MDGA2: variants seen among roughly 807,000 people sequenced by gnomAD.
MDGA2 encodes MAM domain-containing glycosylphosphatidylinositol anchor protein 2.
MDGA2 carries 40 observed loss-of-function variants against 117.8 expected under a neutral mutation model. That is an observed-to-expected ratio of 0.34 (90% CI 0.26 to 0.44). The LOEUF (loss-of-function observed/expected upper bound fraction) is 0.44. Ranked by LOEUF, MDGA2 falls within the 20% of genes least tolerant of loss-of-function variation. MDGA2 has a pLI of 1.00. For synonymous variants in MDGA2, 452 were observed against 439.0 expected, an observed-to-expected ratio of 1.03 and a Z score of -0.37; for missense variants, 1,123 against 1,250.6, an observed-to-expected ratio of 0.90 and a Z score of 1.54.
At chr14:47,260,596 G>A (rs1332819647) in intron 2 of MDGA2, among the ~76,000 whole-genome samples, 1 of 152,150 alleles carries the variant, frequency 6.6e-6, no homozygotes, top group East Asian at 1.9e-4. Flanking sequence ...ATAAGTAAAG[G>A]AGAAAAACTG....
At chr14:46,893,974 C>T (rs892421120) in intron 10 of MDGA2, among the ~76,000 whole-genome samples, 1 of 151,956 alleles carries the variant, frequency 6.6e-6, no homozygotes, top group Non-Finnish European at 1.5e-5. Flanking sequence ...CCTTTAATGG[C>T]ACATTTGATT....
chr14:47,572,917 A>T lies in MDGA2; in HGVS notation c.280+101600T>A, dbSNP rs1594924416. ...ACCCGACTTTGATTAGAATTTTAATATAAATGCTCTTTATTTTTTGGTTAT... is the reference window on the plus strand; with the variant it reads ...ACCCGACTTTGATTAGAATTTTAATTTAAATGCTCTTTATTTTTTGGTTAT... On this transcript the variant is annotated intron_variant, in intron 1 of 16. Transcript: ENST00000399232. 2.6e-5 allele frequency among the ~76,000 whole-genome samples: 4 copies of T among 152,324 alleles called. No individual in the cohort carries two copies. In the South Asian group the frequency reaches 8.3e-4, roughly 32 times the overall value.
intron 1 of MDGA2, among the ~76,000 whole-genome samples, chr14:47,401,615 G>C (rs958622889): frequency 6.6e-6 from 1 of 152,158 alleles, no homozygotes; most frequent in Non-Finnish European, 1.5e-5. Context: ...TGATCTGTTT[G>C]GTACTAAGCT....
intron 14 of MDGA2, among the ~76,000 whole-genome samples, chr14:46,857,051 T>G (rs1015750748): frequency 3.3e-5 from 5 of 152,224 alleles, no homozygotes; most frequent in African/African-American, 1.2e-4. Context: ...TATAATTCAT[T>G]TATCTGCCCC....
intron 3 of MDGA2, among the ~76,000 whole-genome samples, chr14:47,167,220 T>A (rs924125922): frequency 1.3e-5 from 2 of 152,166 alleles, no homozygotes; most frequent in African/African-American, 4.8e-5. Context: ...ACATATTTTT[T>A]AAAGTAACTG....
chr14:46,991,853 C>T (rs1887104083), intron 8 of MDGA2, among the ~76,000 whole-genome samples: 1 of 152,130 alleles, frequency 6.6e-6, no homozygotes, highest in South Asian at 2.1e-4. Context: ...TTGGCTAGAA[C>T]TTAGCTAGAT....
intron 1 of MDGA2, among the ~76,000 whole-genome samples, chr14:47,614,936 G>T (rs1302330868): frequency 6.6e-6 from 1 of 152,096 alleles, no homozygotes; most frequent in Non-Finnish European, 1.5e-5. Context: ...CTGGTACACA[G>T]TAAATGTTCC....
intron 1 of MDGA2, among the ~76,000 whole-genome samples, chr14:47,417,551 G>C (rs1892499103): frequency 6.6e-6 from 1 of 152,050 alleles, no homozygotes; most frequent in Non-Finnish European, 1.5e-5. Flanking sequence ...TTCTTTCTGA[G>C]CTCTAACCAG....
intron 3 of MDGA2, among the ~76,000 whole-genome samples, chr14:47,148,374 T>C (rs1294715550): frequency 6.6e-6 from 1 of 152,128 alleles, no homozygotes; most frequent in African/African-American, 2.4e-5. Context: ...AAAAGCAGCA[T>C]ATAATAATGG....
chr14:47,499,923 T>A (rs1894364783), intron 1 of MDGA2, among the ~76,000 whole-genome samples: 1 of 152,268 alleles, frequency 6.6e-6, no homozygotes, highest in Admixed American at 6.5e-5. Context: ...GATATATGTG[T>A]CTATATTTAA....
intron 1 of MDGA2, among the ~76,000 whole-genome samples, chr14:47,454,081 C>A (rs1460803541): frequency 2.0e-5 from 3 of 152,160 alleles, no homozygotes; most frequent in Non-Finnish European, 4.4e-5. Flanking sequence ...ATTATGTACT[C>A]CCTCTGCTAC....
intron 2 of MDGA2, among the ~76,000 whole-genome samples, chr14:47,298,009 A>T (rs72682179): frequency 0.091 from 13,859 of 152,166 alleles, 777 homozygotes; most frequent in Non-Finnish European, 0.11. Flanking sequence ...TATATATATG[A>T]ATATGTGTAT....
At chr14:47,046,942 C>CA (rs1889286584) in intron 7 of MDGA2, among the ~76,000 whole-genome samples, 1 of 152,042 alleles carries the variant, frequency 6.6e-6, no homozygotes, top group South Asian at 2.1e-4. Context: ...CTGGGAGTAA[C>CA]AAAAGCAGAG....
chr14:46,961,858 G>A (rs1195566734), intron 8 of MDGA2, among the ~76,000 whole-genome samples: 1 of 151,976 alleles, frequency 6.6e-6, no homozygotes, highest in African/African-American at 2.4e-5. Flanking sequence ...TAGCCAAGAT[G>A]GTCTCGATCT....
intron 1 of MDGA2, among the ~76,000 whole-genome samples, chr14:47,517,238 T>C (rs1174002239): frequency 6.6e-6 from 1 of 152,114 alleles, no homozygotes; most frequent in Non-Finnish European, 1.5e-5. Flanking sequence ...TAACTCTCAA[T>C]GTGGGAGTCT....
chr14:47,642,975 T>C (rs943093374), intron 1 of MDGA2, among the ~76,000 whole-genome samples: 2 of 152,034 alleles, frequency 1.3e-5, no homozygotes, highest in African/African-American at 4.8e-5. Context: ...TGTCAACAAA[T>C]AAGGATAACA....
rs562510276 is a variant in MDGA2, at chr14:47,674,606, A to G, written c.191T>C (p.Val64Ala). The change falls in exon 1 of 17, where the codon GTT (valine) becomes GCT (alanine). Residue 64 changes from valine (V) to alanine (A), a missense_variant. This residue lies in a region of MDGA2 where 233 missense variants were observed against 200.3 expected (regional missense o/e 1.16). Transcript: ENST00000399232. ...VPLRTPWAGY[V>A]HVHVKMDLLY... ...TAAATCCATCTTCACGTGAACATGA[A>G]CATATCCAGCCCAGGGGGTACGCAA... 6.5e-7 allele frequency: 1 copy of G among 1,550,334 alleles called. No homozygotes were observed. Among genetic ancestry groups the G allele is most frequent in the South Asian group, 1.2e-5 (1 of 83,864 alleles).
intron 9 of MDGA2, among the ~76,000 whole-genome samples, chr14:46,934,526 G>A (rs540390313): frequency 9.9e-5 from 15 of 152,162 alleles, no homozygotes; most frequent in South Asian, 2.1e-4. Context: ...GAACTGACAC[G>A]TACTACTGTC....
At chr14:47,185,949 T>C (rs1384666229) in intron 3 of MDGA2, among the ~76,000 whole-genome samples, 1 of 151,574 alleles carries the variant, frequency 6.6e-6, no homozygotes, top group African/African-American at 2.4e-5. Flanking sequence ...CAATACCTAT[T>C]TATAATTAGG....
Sources: allele counts gnomAD v4.1 joint callset (sites outside exome capture counted in the v4.1 genomes callset), GRCh38; gene constraint gnomAD v4.1.1; regional missense constraint gnomAD v4.1.1; transcripts MANE v1.5; gene names NCBI Gene and HGNC (gene_info 2026-07-23, HGNC 2026-07-21).